Variants in UTP6 observed in about 807,000 individuals in gnomAD.
The protein encoded by UTP6 is UTP6 small subunit processome component.
Under a neutral mutation model 96.5 loss-of-function variants are expected in UTP6, and 60 were observed. The observed-to-expected ratio is 0.62, with a 90% CI of 0.51 to 0.77. The LOEUF (loss-of-function observed/expected upper bound fraction) is 0.77, where lower values mean the gene tolerates loss of function less well. UTP6 is among the 30% of genes least tolerant of loss of function. The probability of loss-of-function intolerance (pLI) is 0.00; values close to 1 mark genes in which losing one functional copy is unlikely to be tolerated. For missense variants in UTP6, 637 were observed against 706.5 expected, an observed-to-expected ratio of 0.90 and a Z score of 1.12; for synonymous variants, 215 against 240.1, an observed-to-expected ratio of 0.90 and a Z score of 0.96.
At position 31,875,462 on chromosome 17, in the gene UTP6, A is replaced by T. The variant is rs769865418; in HGVS notation, c.1126-49T>A. 1.4e-5 allele frequency: 22 copies of T among 1,586,142 alleles called. No individual in the cohort carries two copies. The South Asian group carries it at 2.1e-4, about 15-fold the overall frequency. On this transcript the variant is annotated intron_variant, in intron 13 of 18. Coordinates refer to ENST00000261708, the MANE Select transcript of UTP6 (RefSeq NM_018428.3). ...GAAAATTAATTACTGAAACCCAAAC[A>T]ATCTATGTAAATGTAAACCTATGCC...
intron 16 of UTP6, 127 bp downstream of exon 16, chr17:31,873,251 C>T: frequency 1.1e-6 from 1 of 888,114 alleles, no homozygotes; most frequent in Non-Finnish European, 1.7e-6. Context: ...AAGACTCCAT[C>T]TTAAAAAAAA....
chr17:31,897,443 C>CTTTT lies in UTP6; in HGVS notation c.177+2199_177+2202dup, dbSNP rs397857995. 2.9e-4 allele frequency among the ~76,000 whole-genome samples: 30 copies of CTTTT among 103,204 alleles called. 1 individual carries two copies. Among genetic ancestry groups the CTTTT allele is most frequent in the African/African-American group, 4.0e-4 (11 of 27,538 alleles). 67.7% of individuals were successfully genotyped at this position (103,204 alleles called of 152,430 possible). The stretch of plus-strand genomic sequence containing the variant: ...TAAATCTAAGCTCAAAACTTCTAGT[C>CTTTT]TTTTTTTTTTTTTTTTTTTTTGAGA... On this transcript the variant is annotated intron_variant, in intron 2 of 18. Transcript: ENST00000261708.
chr17:31,864,097 C>T (rs1385348709), intron 18 of UTP6, among the ~76,000 whole-genome samples: 1 of 151,708 alleles, frequency 6.6e-6, no homozygotes, highest in Non-Finnish European at 1.5e-5. Flanking sequence ...AAATACTAAA[C>T]TTTTTGGCTA....
In UTP6 at chr17:31,863,115, A is replaced by C. The variant is rs1909616084; in HGVS notation, c.*244T>G. ...CAGCTACTCAGGAGTCTGAGGTGAG[A>C]AGGTCACTTGAGTCCAGGAGTTCAA... On this transcript the variant is annotated 3_prime_UTR_variant, in exon 19 of 19. Coordinates refer to ENST00000261708, the MANE Select transcript of UTP6 (RefSeq NM_018428.3). 1 of 471,792 alleles carries C rather than the reference A, an allele frequency of 2.1e-6. No individual in the cohort carries two copies. The highest frequency in any genetic ancestry group is 1.9e-5 in the African/African-American group (1 of 51,502). The allele number at this position is 471,792 out of a possible 1,614,324, so 29.2% of individuals were successfully genotyped here.
intron 1 of UTP6, among the ~76,000 whole-genome samples, 158 bp from the exon 2 acceptor site, chr17:31,899,888 G>A (rs1170704777): frequency 6.6e-6 from 1 of 152,080 alleles, no homozygotes; most frequent in African/African-American, 2.4e-5. Flanking sequence ...GCTCATGCCT[G>A]GAATCCCAGC....
chr17:31,895,041 G>A (rs1904555284), intron 2 of UTP6, 30 bp from the exon 3 acceptor site: 1 of 1,487,554 alleles, frequency 6.7e-7, no homozygotes, highest in South Asian at 1.3e-5. Context: ...AAAAAAATGA[G>A]AAGCTAGAAA....
intron 9 of UTP6, among the ~76,000 whole-genome samples, chr17:31,885,502 G>C (rs1247126671): frequency 6.7e-6 from 1 of 149,658 alleles, no homozygotes; most frequent in East Asian, 2.1e-4. Flanking sequence ...TTTAAAAAGA[G>C]ACTTATGCCA....
Position 31,863,176 on chromosome 17 carries a change from A to G in UTP6, c.*183T>C, listed in dbSNP as rs1841998235. 1 of 633,590 alleles carries G rather than the reference A, an allele frequency of 1.6e-6. No homozygotes were observed. Among genetic ancestry groups the G allele is most frequent in the Non-Finnish European group, 2.6e-6 (1 of 377,976 alleles). The allele number at this position is 633,590 out of a possible 1,614,324, so 39.2% of individuals were successfully genotyped here. Reference sequence around the variant, plus strand: ...GGCAACAGAGCAAGACCCAGTCTCAATCATAAAAATTTTTTAATTTTTAAA... The same window carrying G: ...GGCAACAGAGCAAGACCCAGTCTCAGTCATAAAAATTTTTTAATTTTTAAA... On this transcript the variant is annotated 3_prime_UTR_variant, in exon 19 of 19. Transcript: ENST00000261708.
chr17:31,893,429 T>C (rs1229291950), intron 4 of UTP6, among the ~76,000 whole-genome samples: 3 of 61,266 alleles, frequency 4.9e-5, no homozygotes, highest in Admixed American at 2.1e-4. Flanking sequence ...AGACTCCACC[T>C]CAAAAAAAAA....
At position 31,878,290 on chromosome 17, in the gene UTP6, T is replaced by C. The variant is rs758191630; in HGVS notation, c.1085A>G (p.His362Arg). The stretch of plus-strand genomic sequence containing the variant: ...GCATTCTGACAGAAGCTTCAGTTCA[T>C]GTGCCTTCCTGAATACAGTCATGGT... ...ERTMTVFRKA[H>R]ELKLLSECQY... The change falls in exon 13 of 19, where the codon CAT (histidine) becomes CGT (arginine). Residue 362 changes from histidine to arginine, a missense_variant. Coordinates refer to ENST00000261708, the MANE Select transcript of UTP6 (RefSeq NM_018428.3). 3 of 1,614,096 alleles carry C rather than the reference T, an allele frequency of 1.9e-6. No individual in the cohort carries two copies. The highest frequency in any genetic ancestry group is 1.7e-6 in the Non-Finnish European group (2 of 1,180,046).
chr17:31,873,298 CTG>C, intron 16 of UTP6, 78 bp downstream of exon 16: 1 of 1,333,622 alleles, frequency 7.5e-7, no homozygotes, highest in Admixed American at 1.9e-5. Flanking sequence ...CAGATGCTAT[CTG>C]TGATTCAAAT....
chr17:31,882,873 C>T (rs1225737883), intron 10 of UTP6, among the ~76,000 whole-genome samples: 1 of 152,058 alleles, frequency 6.6e-6, no homozygotes, highest in Non-Finnish European at 1.5e-5. Context: ...GCAGCCTCAA[C>T]CTCACAGGCT....
chr17:31,863,661 T>A (rs1453817594), intron 18 of UTP6, 145 bp from the exon 19 acceptor site: 6 of 738,486 alleles, frequency 8.1e-6, no homozygotes, highest in Non-Finnish European at 1.3e-5. Flanking sequence ...ATACCTCTCT[T>A]AGCTTCTTTA....
At chr17:31,880,292 GC>G (rs1910743784) in intron 11 of UTP6, 1 of 366,572 alleles carries the variant, frequency 2.7e-6, no homozygotes, top group African/African-American at 2.1e-5. Flanking sequence ...ATGGTGGCGG[GC>G]ACCCGTAGTC....
chr17:31,898,556 T>C (rs893405814), intron 2 of UTP6, among the ~76,000 whole-genome samples: 2 of 151,576 alleles, frequency 1.3e-5, no homozygotes, highest in Non-Finnish European at 2.9e-5. Context: ...GTTAAGCTCA[T>C]CATTCTAGAA....
rs115674468 is a variant in UTP6 at position 31,898,650 on chromosome 17, G to A, written c.177+996C>T. On this transcript the variant is annotated intron_variant, in intron 2 of 18. Transcript: ENST00000261708. The stretch of plus-strand genomic sequence containing the variant: ...GAGGCGGAGGTTGCGGTGAGCGTGA[G>A]CAGAGACTGTGCAACTGCACTCCAG... 6.0e-3 allele frequency among the ~76,000 whole-genome samples: 907 copies of A among 152,304 alleles called. 6 individuals carry two copies. The highest frequency in any genetic ancestry group is 0.02 in the African/African-American group (850 of 41,556).
chr17:31,899,603 A>G lies in UTP6; in HGVS notation c.177+43T>C, dbSNP rs200362566. 2.7e-6 allele frequency: 4 copies of G among 1,496,120 alleles called. No homozygotes were observed. In the Admixed American group the frequency reaches 8.4e-5, roughly 32 times the overall value. 92.7% of individuals were successfully genotyped at this position (1,496,120 alleles called of 1,614,324 possible). On this transcript the variant is annotated intron_variant, in intron 2 of 18. Coordinates refer to ENST00000261708, the MANE Select transcript of UTP6 (RefSeq NM_018428.3). The stretch of plus-strand genomic sequence containing the variant: ...GAGTGAGATGCCATCTCACCAAAAA[A>G]CAAAAAAGAAAAAAAGAAAGAAATT...
intron 17 of UTP6, among the ~76,000 whole-genome samples, chr17:31,867,429 AC>A (rs1406004396): frequency 1.3e-5 from 2 of 151,240 alleles, no homozygotes; most frequent in Admixed American, 6.6e-5. Flanking sequence ...AAGCACTTGA[AC>A]CCAGGATGCA....
chr17:31,892,171 A>G, intron 6 of UTP6, 89 bp downstream of exon 6: 1 of 1,436,470 alleles, frequency 7.0e-7, no homozygotes, highest in East Asian at 2.4e-5. Flanking sequence ...CCTCAAAATA[A>G]TTTCTCTTAG....
Sources: allele counts gnomAD v4.1 joint callset (sites outside exome capture counted in the v4.1 genomes callset), GRCh38; gene constraint gnomAD v4.1.1; transcripts MANE v1.5; gene names NCBI Gene and HGNC (gene_info 2026-07-23, HGNC 2026-07-21).